GNAQ: variants seen among roughly 807,000 people sequenced by gnomAD.
GNAQ encodes the protein G protein subunit alpha q, also known as guanine nucleotide-binding protein G(q) subunit alpha.
In GNAQ, 8 loss-of-function variants were observed where a neutral mutation model predicts 43.9. The observed-to-expected ratio is 0.18, with a 90% CI of 0.11 to 0.33. The LOEUF (loss-of-function observed/expected upper bound fraction) is 0.33, where lower values mean the gene tolerates loss of function less well. Ranked by LOEUF, GNAQ falls within the 10% of genes least tolerant of loss-of-function variation. The pLI, the probability that GNAQ is intolerant of heterozygous loss-of-function variation, is 1.00. For missense variants in GNAQ, 158 were observed against 450.8 expected, an observed-to-expected ratio of 0.35 and a Z score of 5.88; for synonymous variants, 155 against 170.7, an observed-to-expected ratio of 0.91 and a Z score of 0.71.
chr9:77,858,840 C>T (rs1827799260), intron 2 of GNAQ, among the ~76,000 whole-genome samples: 1 of 152,060 alleles, frequency 6.6e-6, no homozygotes, highest in South Asian at 2.1e-4. Flanking sequence ...CAAGTCTCTT[C>T]CTTCCCTAAC....
At chr9:77,955,281 T>TACAGGTGCCTGA (rs1265736936) in intron 1 of GNAQ, among the ~76,000 whole-genome samples, 10 of 152,156 alleles carry the variant, frequency 6.6e-5, no homozygotes, top group South Asian at 4.1e-4. Flanking sequence ...TAGCTGGGAT[T>TACAGGTGCCTGA]ACAGGTGCCT....
chr9:77,936,407 G>T (rs1401120668), intron 1 of GNAQ, among the ~76,000 whole-genome samples: 5 of 151,886 alleles, frequency 3.3e-5, no homozygotes, highest in Admixed American at 3.3e-4. Flanking sequence ...AAATAACATT[G>T]GAGGAAGCAT....
At chr9:77,758,876 A>G (rs908752378) in intron 5 of GNAQ, among the ~76,000 whole-genome samples, 1 of 152,194 alleles carries the variant, frequency 6.6e-6, no homozygotes, top group Non-Finnish European at 1.5e-5. Context: ...ACAAATGCAA[A>G]GGCAAATAAC....
At chr9:77,879,449 G>A (rs1336918512) in intron 2 of GNAQ, among the ~76,000 whole-genome samples, 1 of 152,024 alleles carries the variant, frequency 6.6e-6, no homozygotes, top group East Asian at 1.9e-4. Flanking sequence ...AGTACAGACT[G>A]GGTTTCACCA....
At chr9:77,728,403 T>G in intron 6 of GNAQ, 111 bp downstream of exon 6, 1 of 754,986 alleles carries the variant, frequency 1.3e-6, no homozygotes, top group Non-Finnish European at 2.3e-6. Context: ...ACACGCAGGC[T>G]GCACAGGGCA....
At chr9:77,755,974 G>T (rs527536854) in intron 5 of GNAQ, among the ~76,000 whole-genome samples, 1 of 152,252 alleles carries the variant, frequency 6.6e-6, no homozygotes, top group Admixed American at 6.5e-5. Flanking sequence ...CCCTTCCTCA[G>T]TCTGGGTGAC....
At position 77,986,917 on chromosome 9, in the gene GNAQ, A is replaced by T. The variant is rs892296660; in HGVS notation, c.136+44183T>A. Among the ~76,000 whole-genome samples, 8 of 150,452 alleles carry T rather than the reference A, an allele frequency of 5.3e-5. No homozygotes were observed. In the Admixed American group the frequency reaches 5.3e-4, roughly 10 times the overall value. On this transcript the variant is annotated intron_variant, in intron 1 of 6. Coordinates refer to ENST00000286548, the MANE Select transcript of GNAQ (RefSeq NM_002072.5). ...TCTCTACTTGTTTGGAAGCTCCATG[A>T]GGATAAAGATTTTATTCTTTTATTT...
At chr9:77,828,770 A>T (rs1356959313) in intron 2 of GNAQ, among the ~76,000 whole-genome samples, 1 of 152,218 alleles carries the variant, frequency 6.6e-6, no homozygotes, top group Admixed American at 6.5e-5. Context: ...GGACAGAAAA[A>T]GTAGTTGGAA....
chr9:78,021,183 G>A (rs574880022), intron 1 of GNAQ, among the ~76,000 whole-genome samples: 6 of 150,032 alleles, frequency 4.0e-5, no homozygotes, highest in East Asian at 2.0e-4. Context: ...GGGCACCCAC[G>A]CCCAGCTAAT....
intron 5 of GNAQ, among the ~76,000 whole-genome samples, chr9:77,770,387 C>A (rs1419032911): frequency 6.6e-6 from 1 of 152,110 alleles, no homozygotes; most frequent in Non-Finnish European, 1.5e-5. Flanking sequence ...CTTCCCATCC[C>A]AAGACCCCAA....
At chr9:77,799,438 C>T (rs1826708627) in intron 3 of GNAQ, among the ~76,000 whole-genome samples, 1 of 152,078 alleles carries the variant, frequency 6.6e-6, no homozygotes, top group Non-Finnish European at 1.5e-5. Flanking sequence ...TTATTTCTGC[C>T]TTAGTACCTA....
chr9:77,911,050 C>G (rs1012501784), intron 2 of GNAQ, among the ~76,000 whole-genome samples: 1 of 152,156 alleles, frequency 6.6e-6, no homozygotes, highest in South Asian at 2.1e-4. Context: ...AATTAAGGCC[C>G]AATCTCTGCC....
At chr9:77,925,072 G>A (rs1021031195) in intron 1 of GNAQ, among the ~76,000 whole-genome samples, 2 of 152,048 alleles carry the variant, frequency 1.3e-5, no homozygotes, top group Admixed American at 6.6e-5. Flanking sequence ...CCATACTGCT[G>A]CTCTCTCTGG....
intron 6 of GNAQ, among the ~76,000 whole-genome samples, chr9:77,723,505 A>G (rs942984933): frequency 1.2e-4 from 18 of 152,250 alleles, no homozygotes; most frequent in African/African-American, 3.9e-4. Flanking sequence ...AACAGCTAAA[A>G]GGCGAAAACA....
chr9:77,765,212 TGAGG>T (rs1826116312), intron 5 of GNAQ, among the ~76,000 whole-genome samples: 1 of 152,076 alleles, frequency 6.6e-6, no homozygotes. Flanking sequence ...CTCCATGCAT[TGAGG>T]AAGGGACAAA....
At chr9:77,755,100 G>T (rs1271411393) in intron 5 of GNAQ, among the ~76,000 whole-genome samples, 4 of 152,114 alleles carry the variant, frequency 2.6e-5, no homozygotes. Flanking sequence ...GGAACTGGAG[G>T]ACATTATATT....
At chr9:77,883,079 T>G (rs1411820144) in intron 2 of GNAQ, among the ~76,000 whole-genome samples, 1 of 152,160 alleles carries the variant, frequency 6.6e-6, no homozygotes, top group African/African-American at 2.4e-5. Context: ...AGAGAACAGA[T>G]GTGATTAGTG....
At chr9:77,779,743 C>T (rs1826362363) in intron 5 of GNAQ, among the ~76,000 whole-genome samples, 1 of 146,534 alleles carries the variant, frequency 6.8e-6, no homozygotes, top group Non-Finnish European at 1.5e-5. Flanking sequence ...AAAGAGTGAT[C>T]ACTATAGATC....
At chr9:77,749,679 TAAC>T (rs1391132026) in intron 5 of GNAQ, among the ~76,000 whole-genome samples, 2 of 152,190 alleles carry the variant, frequency 1.3e-5, no homozygotes, top group East Asian at 1.9e-4. Flanking sequence ...AAACTAATGA[TAAC>T]AATCCACAGT....
Sources: gnomAD v4.1 joint callset for allele counts (sites outside exome capture counted in the v4.1 genomes callset) on GRCh38, gnomAD v4.1.1 for gene constraint, MANE v1.5 for transcripts, NCBI Gene and HGNC (gene_info 2026-07-23, HGNC 2026-07-21) for gene names.